Variants in FANCM observed in about 807,000 individuals in gnomAD.
The protein encoded by FANCM is FA complementation group M, also known as Fanconi anemia group M protein.
In FANCM, 140 loss-of-function variants were observed where a neutral mutation model predicts 199.5. That is an observed-to-expected ratio of 0.70 (90% confidence interval 0.61 to 0.81). FANCM has a LOEUF of 0.81. Ranked by LOEUF, FANCM falls within the 30% of genes least tolerant of loss-of-function variation. The pLI, the probability that FANCM is intolerant of heterozygous loss-of-function variation, is 0.00. For missense variants in FANCM, 2,410 were observed against 2,421.4 expected, an observed-to-expected ratio of 1.00 and a Z score of 0.10; for synonymous variants, 840 against 836.8, an observed-to-expected ratio of 1.00 and a Z score of -0.07.
chr14:45,171,662 T>C (rs1888347302), intron 12 of FANCM, among the ~76,000 whole-genome samples: 1 of 151,194 alleles, frequency 6.6e-6, no homozygotes, highest in South Asian at 2.1e-4. Context: ...AATTTCATTC[T>C]TTTTTTTATG....
At chr14:45,142,594 C>G (rs1241308745) in intron 3 of FANCM, among the ~76,000 whole-genome samples, 1 of 152,008 alleles carries the variant, frequency 6.6e-6, no homozygotes, top group East Asian at 1.9e-4. Flanking sequence ...GTGTGAGCCA[C>G]TGTGCCCGGC....
At chr14:45,138,611 G>T (rs1252264908) in intron 2 of FANCM, among the ~76,000 whole-genome samples, 2 of 152,064 alleles carry the variant, frequency 1.3e-5, no homozygotes, top group African/African-American at 4.8e-5. Flanking sequence ...CTACAAAAAT[G>T]AAATGAAATA....
At chr14:45,167,229 A>C in intron 11 of FANCM, 66 bp downstream of exon 11, 1 of 904,966 alleles carries the variant, frequency 1.1e-6, no homozygotes, top group Non-Finnish European at 1.9e-6. Context: ...TCGTATCTTG[A>C]TATAATATTT....
intron 3 of FANCM, among the ~76,000 whole-genome samples, chr14:45,141,522 C>T (rs989149333): frequency 7.1e-6 from 1 of 141,364 alleles, no homozygotes; most frequent in Non-Finnish European, 1.5e-5. Flanking sequence ...CTCCCCTCCC[C>T]TTCCTCCTCC....
Position 45,189,113 on chromosome 14 carries a change from G to A in FANCM, c.5091G>A (p.Lys1697=), listed in dbSNP as rs1889598639. ...NIAVNPSTVK[K]NKQQDHCLNS... ...CGGTTAACCCAAGCACTGTTAAGAAGAACAAACAACAGGACCATTGTTTAA... is the reference window on the plus strand; with the variant it reads ...CGGTTAACCCAAGCACTGTTAAGAAAAACAAACAACAGGACCATTGTTTAA... The change falls in exon 20 of 23, where the codon AAG becomes AAA. Residue 1697 remains lysine, a synonymous_variant. Transcript: ENST00000267430. The A allele has an allele frequency of 1.9e-6, 3 of 1,614,048 alleles. No homozygotes were observed. Among genetic ancestry groups the A allele is most frequent in the South Asian group, 1.1e-5 (1 of 91,090 alleles).
At chr14:45,194,995 C>T (rs190286722) in intron 20 of FANCM, among the ~76,000 whole-genome samples, 43 of 152,170 alleles carry the variant, frequency 2.8e-4, no homozygotes, top group African/African-American at 9.2e-4. Flanking sequence ...GTGATCCACT[C>T]GCCTCAGCCA....
Position 45,166,958 on chromosome 14 carries a change from T to C in FANCM, c.1797T>C (p.Asn599=). 6.6e-7 allele frequency: 1 copy of C among 1,520,634 alleles called. No homozygotes were observed. Among genetic ancestry groups the C allele is most frequent in the East Asian group, 2.3e-5 (1 of 44,412 alleles). The allele number at this position is 1,520,634 out of a possible 1,614,324, so 94.2% of individuals were successfully genotyped here. The change falls in exon 11 of 23, where the codon AAT becomes AAC. Residue 599 remains asparagine (N), a synonymous_variant. Coordinates refer to ENST00000267430, the MANE Select transcript of FANCM (RefSeq NM_020937.4). ...LSEGREERIY[N]QSQSNKRSIY... is the part of the protein sequence containing the mutation. ...TCTATTTGTTTTTACAGATTTATAA[T>C]CAGAGTCAGTCCAACAAAAGAAGTA...
In FANCM at chr14:45,176,300, T is replaced by G. The variant is rs1250034420; in HGVS notation, c.3546T>G (p.Leu1182=). 1.2e-6 allele frequency: 2 copies of G among 1,614,084 alleles called. No homozygotes were observed. Among genetic ancestry groups the G allele is most frequent in the Non-Finnish European group, 8.5e-7 (1 of 1,179,966 alleles). The part of the protein sequence containing the change: ...LVSQFLISDE[L]LLDNNSELQD... Reference sequence around the variant, plus strand: ...CTCAGTTCTTAATTTCTGATGAACTTTTGTTGGACAATAATTCTGAACTCC... The same window carrying G: ...CTCAGTTCTTAATTTCTGATGAACTGTTGTTGGACAATAATTCTGAACTCC... Residue 1182 remains leucine (L), a synonymous_variant, in exon 14 of 23, where the codon CTT becomes CTG. Transcript: ENST00000267430.
chr14:45,140,336 T>A (rs900640327), intron 2 of FANCM, among the ~76,000 whole-genome samples: 1 of 152,216 alleles, frequency 6.6e-6, no homozygotes, highest in Non-Finnish European at 1.5e-5. Flanking sequence ...AGTGTTGAGA[T>A]TACAAGCGTG....
At chr14:45,195,622 T>A (rs1369295091) in intron 20 of FANCM, 1 of 450,358 alleles carries the variant, frequency 2.2e-6, no homozygotes. Flanking sequence ...AAATTCTCAC[T>A]TCCATGTTGT....
In FANCM at chr14:45,187,247, C is replaced by T. The variant is rs1275801782; in HGVS notation, c.4673-534C>T. Among the ~76,000 whole-genome samples the T allele has an allele frequency of 2.7e-4, 39 of 145,302 alleles. 1 individual carries two copies. The highest frequency in any genetic ancestry group is 7.8e-4 in the African/African-American group (31 of 39,608). On this transcript the variant is annotated intron_variant, in intron 18 of 22. Transcript: ENST00000267430. ...TAAAGTACCTCGAAATTCACATTATCTTTTGTTTTTATGTATCATGTCTCA... is the reference window on the plus strand; with the variant it reads ...TAAAGTACCTCGAAATTCACATTATTTTTTGTTTTTATGTATCATGTCTCA...
intron 2 of FANCM, chr14:45,137,493 T>G (rs1885607364): frequency 4.3e-6 from 2 of 468,450 alleles, no homozygotes; most frequent in Admixed American, 7.0e-5. Flanking sequence ...ACCAGATAAT[T>G]AGTGTCAGAT....
At chr14:45,162,721 G>T (rs1887690800) in intron 9 of FANCM, among the ~76,000 whole-genome samples, 2 of 152,170 alleles carry the variant, frequency 1.3e-5, no homozygotes, top group Admixed American at 6.5e-5. Context: ...AGGGTTCATG[G>T]AAGTGTATAT....
At chr14:45,181,548 A>G (rs771021286) in intron 15 of FANCM, 24 bp downstream of exon 15, 1 of 1,531,844 alleles carries the variant, frequency 6.5e-7, no homozygotes, top group Non-Finnish European at 9.0e-7. Flanking sequence ...TAATCACAAT[A>G]GTATAATCAT....
chr14:45,156,983 A>G (rs994257114), intron 8 of FANCM, among the ~76,000 whole-genome samples: 11 of 151,990 alleles, frequency 7.2e-5, no homozygotes, highest in Non-Finnish European at 1.2e-4. Context: ...TTATGTGTAC[A>G]TGTTTGCAAA....
rs555944654 is a variant in FANCM at position 45,170,874 on chromosome 14, A to G, written c.2160+128A>G. ...ATGAGATAATTGTGATTGGAATGTC[A>G]ACTTACTTTAAGAAATTAAGAATGT... On this transcript the variant is annotated intron_variant, in intron 12 of 22. Coordinates refer to ENST00000267430, the MANE Select transcript of FANCM (RefSeq NM_020937.4). The G allele has an allele frequency of 2.6e-4, 208 of 800,282 alleles. No homozygotes were observed. In the African/African-American group the frequency reaches 3.1e-3, roughly 12 times the overall value. 49.6% of individuals were successfully genotyped at this position (800,282 alleles called of 1,614,324 possible).
At chr14:45,184,522 C>T (rs368436966) in intron 17 of FANCM, among the ~76,000 whole-genome samples, 5 of 151,726 alleles carry the variant, frequency 3.3e-5, no homozygotes, top group African/African-American at 7.3e-5. Context: ...ATTAGCTGGG[C>T]GTGATGGCAC....
At chr14:45,144,352 CCTT>C (rs34186101) in intron 3 of FANCM, among the ~76,000 whole-genome samples, 14,197 of 141,706 alleles carry the variant, frequency 0.1, 2,368 homozygotes, top group African/African-American at 0.35. Context: ...CTGTAATCAT[CCTT>C]CTACTCTCTA....
At position 45,170,535 on chromosome 14, in the gene FANCM, T is replaced by C. The variant is rs566827042; in HGVS notation, c.2003-54T>C. 92 of 1,359,984 alleles carry C rather than the reference T, an allele frequency of 6.8e-5. No individual in the cohort carries two copies. The South Asian group carries it at 7.8e-4, about 12-fold the overall frequency. 84.2% of individuals were successfully genotyped at this position (1,359,984 alleles called of 1,614,324 possible). ...AGTTTGAATGGATATTGTGGGTTTT[T>C]TTGCTTTGCAGATTTTTAAAAAGTC... On this transcript the variant is annotated intron_variant, in intron 11 of 22. Coordinates refer to ENST00000267430, the MANE Select transcript of FANCM (RefSeq NM_020937.4).
Sources: allele counts gnomAD v4.1 joint callset (sites outside exome capture counted in the v4.1 genomes callset), GRCh38; gene constraint gnomAD v4.1.1; transcripts MANE v1.5; gene names NCBI Gene and HGNC (gene_info 2026-07-23, HGNC 2026-07-21).